Variants in DIS3L2 observed in about 807,000 individuals in gnomAD.
DIS3L2 encodes the protein DIS3 like 3'-5' exoribonuclease 2, also known as DIS3-like exonuclease 2.
A neutral mutation model predicts 97.5 loss-of-function variants in DIS3L2; 34 were observed. That is an observed-to-expected ratio of 0.35 (90% CI 0.27 to 0.46). The LOEUF (loss-of-function observed/expected upper bound fraction) is 0.46, where lower values mean the gene tolerates loss of function less well. Among genes scored for constraint, DIS3L2 ranks in the 20% least tolerant of loss-of-function variants. The pLI is 1.00. For missense variants in DIS3L2, 1,038 were observed against 1,146.0 expected (o/e 0.91, Z 1.36); for synonymous variants, 435 against 445.2 (o/e 0.98, Z 0.29).
At chr2:232,294,558 C>T (rs1205747171) in intron 13 of DIS3L2, among the ~76,000 whole-genome samples, 3 of 152,182 alleles carry the variant, frequency 2.0e-5, no homozygotes, top group Non-Finnish European at 4.4e-5. Flanking sequence ...CTTGGCTCTC[C>T]ATTCCTTGAC....
chr2:232,147,882 A>G (rs990028500), intron 8 of DIS3L2, among the ~76,000 whole-genome samples: 1 of 152,106 alleles, frequency 6.6e-6, no homozygotes, highest in African/African-American at 2.4e-5. Context: ...TTTCAAGGTG[A>G]CAGAAGAGTT....
At chr2:232,343,792 G>A in exon 14 of DIS3L2, 1 of 536,694 alleles carries the variant, frequency 1.9e-6, no homozygotes, top group Non-Finnish European at 3.4e-6. Flanking sequence ...GCAGATGCCA[G>A]GAAAGCCAAG....
chr2:231,965,038 T>C (rs1029593931), intron 1 of DIS3L2, among the ~76,000 whole-genome samples: 1 of 152,240 alleles, frequency 6.6e-6, no homozygotes, highest in Non-Finnish European at 1.5e-5. Context: ...GTCACTTGAT[T>C]TGTGACCTAT....
intron 5 of DIS3L2, among the ~76,000 whole-genome samples, chr2:232,084,931 T>C (rs1696528433): frequency 6.6e-6 from 1 of 152,152 alleles, no homozygotes; most frequent in Admixed American, 6.5e-5. Context: ...GTTTTCTGAG[T>C]TGATATTATA....
At chr2:231,979,966 T>C (rs1433543436) in intron 1 of DIS3L2, among the ~76,000 whole-genome samples, 2 of 152,182 alleles carry the variant, frequency 1.3e-5, no homozygotes, top group Non-Finnish European at 2.9e-5. Flanking sequence ...TCCTAGTGAT[T>C]TGAAATACTT....
intron 13 of DIS3L2, among the ~76,000 whole-genome samples, chr2:232,279,926 TTCTC>T (rs1559189842): frequency 2.0e-5 from 3 of 152,360 alleles, no homozygotes; most frequent in East Asian, 3.9e-4. Flanking sequence ...ATTTCATTTC[TTCTC>T]TCTCCATTCT....
chr2:232,057,092 A>C (rs1007202442), intron 5 of DIS3L2, among the ~76,000 whole-genome samples: 1 of 152,230 alleles, frequency 6.6e-6, no homozygotes, highest in African/African-American at 2.4e-5. Context: ...GAATGGATCA[A>C]CTACAGCAAT....
At chr2:232,297,582 G>C (rs1388566747) in intron 13 of DIS3L2, among the ~76,000 whole-genome samples, 1 of 152,144 alleles carries the variant, frequency 6.6e-6, no homozygotes, top group East Asian at 1.9e-4. Context: ...AAACCTATTA[G>C]TCTTCTGTCA....
chr2:232,319,662 AC>A, intron 14 of DIS3L2, among the ~76,000 whole-genome samples: 1 of 152,298 alleles, frequency 6.6e-6, no homozygotes. Context: ...GGCCTAACCT[AC>A]CTGTGAAGAA....
At chr2:232,308,787 C>T (rs568615049) in intron 14 of DIS3L2, among the ~76,000 whole-genome samples, 5 of 152,274 alleles carry the variant, frequency 3.3e-5, no homozygotes, top group Admixed American at 1.3e-4. Flanking sequence ...GCCCCCTGCC[C>T]GTGGGGGCTT....
At chr2:232,159,904 G>C (rs905357935) in intron 8 of DIS3L2, among the ~76,000 whole-genome samples, 1 of 152,102 alleles carries the variant, frequency 6.6e-6, no homozygotes, top group Non-Finnish European at 1.5e-5. Flanking sequence ...TTGTTAATAT[G>C]TTGTATTGAT....
At chr2:232,072,770 A>C (rs998847299) in intron 5 of DIS3L2, among the ~76,000 whole-genome samples, 1 of 141,088 alleles carries the variant, frequency 7.1e-6, no homozygotes, top group Non-Finnish European at 1.5e-5. Context: ...ATCAGCTGAC[A>C]GTTGGGATGT....
intron 15 of DIS3L2, 132 bp from the exon 16 acceptor site, chr2:232,330,558 T>A: frequency 5.6e-6 from 5 of 886,392 alleles, no homozygotes; most frequent in East Asian, 2.5e-5. Context: ...CCATCCCCTC[T>A]GAGCAGGGCT....
At chr2:232,182,796 C>T (rs905770703) in intron 9 of DIS3L2, among the ~76,000 whole-genome samples, 2 of 152,196 alleles carry the variant, frequency 1.3e-5, no homozygotes, top group Non-Finnish European at 2.9e-5. Flanking sequence ...CAGGCACACA[C>T]ACACATACAA....
At chr2:232,158,663 T>A (rs569800971) in intron 8 of DIS3L2, among the ~76,000 whole-genome samples, 1 of 152,106 alleles carries the variant, frequency 6.6e-6, no homozygotes, top group East Asian at 1.9e-4. Flanking sequence ...TTCAAGAAAT[T>A]TCTTTTTTTC....
At chr2:232,158,211 A>T (rs922183767) in intron 8 of DIS3L2, among the ~76,000 whole-genome samples, 41 of 152,076 alleles carry the variant, frequency 2.7e-4, no homozygotes, top group Admixed American at 3.9e-4. Flanking sequence ...CAATGGATTT[A>T]ATGCTATCGT....
At chr2:232,113,762 A>G (rs1489628262) in intron 6 of DIS3L2, among the ~76,000 whole-genome samples, 1 of 152,224 alleles carries the variant, frequency 6.6e-6, no homozygotes, top group African/African-American at 2.4e-5. Flanking sequence ...AACTTAGTTT[A>G]CAGTTTAAAA....
chr2:232,267,879 T>G (rs1420060758), intron 13 of DIS3L2, among the ~76,000 whole-genome samples: 1 of 152,206 alleles, frequency 6.6e-6, no homozygotes, highest in Non-Finnish European at 1.5e-5. Context: ...GCCATGGCAT[T>G]CAGAAAAGAT....
At chr2:232,312,853 G>A (rs550781058) in intron 14 of DIS3L2, among the ~76,000 whole-genome samples, 1 of 152,212 alleles carries the variant, frequency 6.6e-6, no homozygotes, top group East Asian at 1.9e-4. Flanking sequence ...ATTTTAAATG[G>A]TATTTGTAAA....
Sources: gnomAD v4.1 joint callset for allele counts (sites outside exome capture counted in the v4.1 genomes callset) on GRCh38, gnomAD v4.1.1 for gene constraint, MANE v1.5 for transcripts, NCBI Gene and HGNC (gene_info 2026-07-23, HGNC 2026-07-21) for gene names.